SCN9A: variants seen among roughly 807,000 people sequenced by gnomAD.
SCN9A encodes sodium voltage-gated channel alpha subunit 9.
In SCN9A, 131 loss-of-function variants were observed where a neutral mutation model predicts 187.0. The observed-to-expected ratio is 0.70, with a 90% CI of 0.61 to 0.81. SCN9A has a LOEUF of 0.81. Ranked by LOEUF, SCN9A falls within the 30% of genes least tolerant of loss-of-function variation. SCN9A has a pLI of 0.00. For synonymous variants in SCN9A, 809 were observed against 808.6 expected (o/e 1.00, Z -0.01); for missense variants, 2,252 against 2,396.6 (o/e 0.94, Z 1.26).
intron 24 of SCN9A, among the ~76,000 whole-genome samples, chr2:166,209,893 G>A (rs1333775561): frequency 4.6e-5 from 7 of 152,180 alleles, no homozygotes; most frequent in South Asian, 2.1e-4. Flanking sequence ...GTGGAAGTCC[G>A]TGTGGCGATT....
intron 1 of SCN9A, among the ~76,000 whole-genome samples, chr2:166,351,211 A>C (rs991551642): frequency 6.6e-6 from 1 of 152,150 alleles, no homozygotes; most frequent in African/African-American, 2.4e-5. Context: ...CAAAACAAAA[A>C]CCCACACATC....
At chr2:166,235,765 CTG>C (rs1374695806) in intron 20 of SCN9A, among the ~76,000 whole-genome samples, 1 of 151,818 alleles carries the variant, frequency 6.6e-6, no homozygotes, top group Non-Finnish European at 1.5e-5. Context: ...GCTTTACTCT[CTG>C]TGCTTTGCAT....
intron 1 of SCN9A, among the ~76,000 whole-genome samples, chr2:166,323,591 T>G (rs551063575): frequency 3.9e-5 from 6 of 152,230 alleles, no homozygotes; most frequent in African/African-American, 1.4e-4. Flanking sequence ...GCCCATTATA[T>G]TAGACTGGAA....
chr2:166,263,101 C>A (rs1391150098), intron 17 of SCN9A, among the ~76,000 whole-genome samples: 1 of 151,876 alleles, frequency 6.6e-6, no homozygotes, highest in Non-Finnish European at 1.5e-5. Flanking sequence ...AAGGGAGAGC[C>A]TGCATCCAAT....
Position 166,199,230 on chromosome 2 carries a change from A to C in SCN9A, c.5409T>G (p.Ser1803=). The part of the protein sequence containing the change: ...ATQFIEFSKL[S]DFAAALDPPL... ...GAGGATCCAGGGCAGCTGCAAAATC[A>C]GAGAGTTTAGAGAACTCTATAAACT... is the stretch of plus-strand genomic sequence containing the variant. The change falls in exon 27 of 27, where the codon TCT becomes TCG. Residue 1803 remains serine (S), a synonymous_variant. Coordinates refer to ENST00000642356, the MANE Select transcript of SCN9A (RefSeq NM_001365536.1). 2 of 1,614,202 alleles carry C rather than the reference A, an allele frequency of 1.2e-6. No individual in the cohort carries two copies. The highest frequency in any genetic ancestry group is 8.5e-7 in the Non-Finnish European group (1 of 1,180,030).
intron 5 of SCN9A, among the ~76,000 whole-genome samples, chr2:166,304,754 G>T (rs946995573): frequency 9.2e-5 from 14 of 152,090 alleles, no homozygotes; most frequent in African/African-American, 2.9e-4. Flanking sequence ...TGGTTTCCAA[G>T]GGGCCAGGGA....
intron 1 of SCN9A, among the ~76,000 whole-genome samples, chr2:166,362,860 T>C (rs1388386451): frequency 6.6e-6 from 1 of 152,036 alleles, no homozygotes; most frequent in Non-Finnish European, 1.5e-5. Flanking sequence ...TTTACAGACT[T>C]CTTTTTATTA....
intron 1 of SCN9A, among the ~76,000 whole-genome samples, chr2:166,351,768 AT>A (rs945050412): frequency 9.9e-5 from 15 of 152,168 alleles, no homozygotes; most frequent in South Asian, 2.1e-4. Flanking sequence ...TATAGAACAG[AT>A]TTTTTTTCCC....
At chr2:166,336,123 T>A (rs1051073436) in intron 1 of SCN9A, among the ~76,000 whole-genome samples, 1 of 152,020 alleles carries the variant, frequency 6.6e-6, no homozygotes, top group Non-Finnish European at 1.5e-5. Context: ...TGAGGGACAA[T>A]TGTAATTGTA....
intron 17 of SCN9A, among the ~76,000 whole-genome samples, chr2:166,255,943 G>A (rs538265772): frequency 8.6e-5 from 13 of 151,286 alleles, no homozygotes; most frequent in African/African-American, 1.4e-4. Flanking sequence ...GTAGTTTTAC[G>A]GTCAATATCT....
rs1698923687 is a variant in SCN9A, at chr2:166,311,033, T to G, written c.258+466A>C. On this transcript the variant is annotated intron_variant, in intron 2 of 26. Transcript: ENST00000642356. ...AACACCGCATATTCTCACTCATAGGTGGGAATTGAACAATGAAATCACATG... is the reference window on the plus strand; with the variant it reads ...AACACCGCATATTCTCACTCATAGGGGGGAATTGAACAATGAAATCACATG... Among the ~76,000 whole-genome samples, 2 of 94,304 alleles carry G rather than the reference T, an allele frequency of 2.1e-5. 1 individual carries two copies. Among genetic ancestry groups the G allele is most frequent in the Non-Finnish European group, 4.1e-5 (2 of 49,224 alleles). The allele number at this position is 94,304 out of a possible 152,430, so 61.9% of individuals were successfully genotyped here. A position where few individuals can be genotyped will look rare whatever the true frequency, so the allele number is the denominator to read the frequency against.
At chr2:166,275,218 T>C (rs1026600038) in intron 16 of SCN9A, among the ~76,000 whole-genome samples, 5 of 152,172 alleles carry the variant, frequency 3.3e-5, no homozygotes, top group African/African-American at 1.2e-4. Flanking sequence ...TTTGTGATTA[T>C]TGGCTTTGAT....
At chr2:166,263,915 A>G (rs541076720) in intron 17 of SCN9A, among the ~76,000 whole-genome samples, 11 of 152,106 alleles carry the variant, frequency 7.2e-5, no homozygotes, top group South Asian at 2.1e-4. Context: ...GAGCCTTTAG[A>G]GAAATCATGG....
chr2:166,306,036 G>T, intron 4 of SCN9A, 116 bp from the exon 5 acceptor site: 1 of 1,223,142 alleles, frequency 8.2e-7, no homozygotes, highest in Non-Finnish European at 1.2e-6. Context: ...GAGGATGGCT[G>T]TTGGGTTATG....
At chr2:166,296,788 G>A (rs980911011) in intron 7 of SCN9A, among the ~76,000 whole-genome samples, 2 of 152,050 alleles carry the variant, frequency 1.3e-5, no homozygotes, top group African/African-American at 4.8e-5. Context: ...TTATTAAGAT[G>A]GTTGGCTTCA....
chr2:166,305,246 T>C (rs1004586242), intron 5 of SCN9A, among the ~76,000 whole-genome samples: 1 of 152,090 alleles, frequency 6.6e-6, no homozygotes, highest in Non-Finnish European at 1.5e-5. Flanking sequence ...CAATTATGAA[T>C]AAATTAAAAT....
chr2:166,375,475 A>G (rs1195211481), intron 1 of SCN9A, among the ~76,000 whole-genome samples: 1 of 152,226 alleles, frequency 6.6e-6, no homozygotes, highest in African/African-American at 2.4e-5. Flanking sequence ...GGAGCTGCCC[A>G]GCTATCGAAA....
intron 7 of SCN9A, among the ~76,000 whole-genome samples, chr2:166,297,279 T>C (rs11688164): frequency 0.23 from 33,734 of 146,060 alleles, 4,784 homozygotes; most frequent in East Asian, 0.42. Context: ...AACTGAAAAT[T>C]GAAAATGTAT....
At chr2:166,207,976 C>T (rs996255955) in intron 24 of SCN9A, among the ~76,000 whole-genome samples, 16 of 152,118 alleles carry the variant, frequency 1.1e-4, no homozygotes, top group Admixed American at 1.0e-3. Context: ...AAGAGAAAAT[C>T]AAAGTAATAG....
Sources: allele counts gnomAD v4.1 joint callset (sites outside exome capture counted in the v4.1 genomes callset), GRCh38; gene constraint gnomAD v4.1.1; transcripts MANE v1.5; gene names NCBI Gene and HGNC (gene_info 2026-07-23, HGNC 2026-07-21).